DGLUCY: variants seen among roughly 807,000 people sequenced by gnomAD.
The protein encoded by DGLUCY is D-glutamate cyclase, mitochondrial.
A neutral mutation model predicts 58.5 loss-of-function variants in DGLUCY; 58 were observed. That is an observed-to-expected ratio of 0.99 (90% CI 0.80 to 1.23). The LOEUF (loss-of-function observed/expected upper bound fraction) is 1.23. Ranked by LOEUF, DGLUCY falls within the 50% of genes most tolerant of loss-of-function variation. The pLI is 0.00. For missense variants in DGLUCY, 779 were observed against 784.7 expected (o/e 0.99, Z 0.09); for synonymous variants, 325 against 314.1 (o/e 1.03, Z -0.37).
intron 8 of DGLUCY, among the ~76,000 whole-genome samples, chr14:91,188,352 A>G (rs1184512293): frequency 6.6e-6 from 1 of 152,136 alleles, no homozygotes. Context: ...TCGCGGCCAC[A>G]CCAGACTGAA....
chr14:91,127,757 TTC>T (rs1478899388), intron 1 of DGLUCY, among the ~76,000 whole-genome samples: 1 of 152,220 alleles, frequency 6.6e-6, no homozygotes, highest in Non-Finnish European at 1.5e-5. Flanking sequence ...GATTTTCTGG[TTC>T]TCAGCTCAGC....
At position 91,181,405 on chromosome 14, in the gene DGLUCY, T is replaced by C; in HGVS notation, c.934+16T>C. 1 of 1,608,770 alleles carries C rather than the reference T, an allele frequency of 6.2e-7. No homozygotes were observed. ...ATAGACCCAGGTAAGAAACAACACATTTGCTCGGCATAGACCCAGGTAAGA... is the reference window on the plus strand; with the variant it reads ...ATAGACCCAGGTAAGAAACAACACACTTGCTCGGCATAGACCCAGGTAAGA... On this transcript the variant is annotated intron_variant, in intron 8 of 13. Coordinates refer to ENST00000256324, the MANE Select transcript of DGLUCY (RefSeq NM_001102368.3).
At chr14:91,107,655 C>G (rs1416329095), upstream of DGLUCY, among the ~76,000 whole-genome samples, 1 of 152,172 alleles carries the variant, frequency 6.6e-6, no homozygotes. Flanking sequence ...GTTGGAAGCT[C>G]TGGAACTCAG....
chr14:91,068,869 T>C (rs1296288312), intron 1 of DGLUCY, among the ~76,000 whole-genome samples: 17 of 152,132 alleles, frequency 1.1e-4, no homozygotes, highest in Admixed American at 1.1e-3. Context: ...TGTACTAAAA[T>C]TGATGAAATG....
Position 91,090,457 on chromosome 14 carries a change from A to C in DGLUCY, c.-82+29753A>C, listed in dbSNP as rs373963061. Among the ~76,000 whole-genome samples the C allele has an allele frequency of 1.8e-4, 27 of 152,202 alleles. No homozygotes were observed. In the South Asian group the frequency reaches 3.5e-3, roughly 20 times the overall value. ...TTAAAACCTTCTCCCAGCCTCCTGCATGACTTTGGCCATAAGCATCCTTCC... is the reference window on the plus strand; with the variant it reads ...TTAAAACCTTCTCCCAGCCTCCTGCCTGACTTTGGCCATAAGCATCCTTCC... On this transcript the variant is annotated intron_variant, in intron 1 of 4. Coordinates refer to the DGLUCY transcript ENST00000521334.
At chr14:91,171,312 G>T (rs1272715629) in intron 5 of DGLUCY, among the ~76,000 whole-genome samples, 1 of 152,216 alleles carries the variant, frequency 6.6e-6, no homozygotes, top group East Asian at 1.9e-4. Flanking sequence ...GCAGTCACAG[G>T]GTCTGCTGAT....
intron 1 of DGLUCY, among the ~76,000 whole-genome samples, chr14:91,071,496 T>TA (rs533962746): frequency 2.6e-5 from 4 of 152,026 alleles, no homozygotes; most frequent in African/African-American, 9.6e-5. Flanking sequence ...AATTGAGGAT[T>TA]AAAAAAAATA....
exon 1 of DGLUCY, chr14:91,060,342 C>T (rs200700842): frequency 6.4e-5 from 91 of 1,416,512 alleles, no homozygotes; most frequent in Non-Finnish European, 1.7e-5. Flanking sequence ...CAGTCCGCAG[C>T]TCGTGCTTGA....
intron 1 of DGLUCY, among the ~76,000 whole-genome samples, chr14:91,061,426 T>C (rs1016741941): frequency 2.0e-5 from 3 of 152,208 alleles, no homozygotes; most frequent in Non-Finnish European, 4.4e-5. Context: ...ATTCCTCCCC[T>C]AAGCAGCTTT....
intron 1 of DGLUCY, among the ~76,000 whole-genome samples, chr14:91,102,001 G>A (rs2044494649): frequency 6.6e-6 from 1 of 152,026 alleles, no homozygotes; most frequent in South Asian, 2.1e-4. Context: ...CCTTAGTGTA[G>A]ATCTCAAAAG....
chr14:91,153,221 C>T (rs562386739), intron 1 of DGLUCY, among the ~76,000 whole-genome samples: 42 of 152,150 alleles, frequency 2.8e-4, no homozygotes, highest in African/African-American at 4.8e-4. Context: ...CTCGCTCTGT[C>T]GCCCAGGCTG....
rs553702195 is a variant in DGLUCY at position 91,067,116 on chromosome 14, G to GTTGAGTAGA, written c.-82+6418_-82+6426dup. Among the ~76,000 whole-genome samples the GTTGAGTAGA allele has an allele frequency of 2.1e-3, 320 of 150,106 alleles. 2 individuals are homozygous for GTTGAGTAGA. Among genetic ancestry groups the GTTGAGTAGA allele is most frequent in the Non-Finnish European group, 3.7e-3 (253 of 67,628 alleles). ...AAAAAAAAAGAAAGAGTTATTTCAT[G>GTTGAGTAGA]TTGAGTAGATTGAGGAAGAACAAAA... On this transcript the variant is annotated intron_variant, in intron 1 of 4. Transcript: ENST00000521334.
chr14:91,106,713 A>AT, upstream of DGLUCY, among the ~76,000 whole-genome samples: 1 of 151,834 alleles, frequency 6.6e-6, no homozygotes, highest in East Asian at 1.9e-4. Flanking sequence ...TCTCAAAAAA[A>AT]AAAAAAAACT....
intron 1 of DGLUCY, among the ~76,000 whole-genome samples, chr14:91,084,400 T>G (rs1349252526): frequency 6.6e-6 from 1 of 152,048 alleles, no homozygotes; most frequent in Non-Finnish European, 1.5e-5. Context: ...AGATGGGGTT[T>G]CACCATGTTG....
intron 1 of DGLUCY, among the ~76,000 whole-genome samples, chr14:91,137,535 G>A (rs1376267143): frequency 1.3e-5 from 2 of 150,598 alleles, no homozygotes; most frequent in East Asian, 1.9e-4. Context: ...ACAGGCGTGC[G>A]CCACCACGCC....
chr14:91,188,210 G>T (rs1184108767), intron 8 of DGLUCY, among the ~76,000 whole-genome samples: 1 of 152,154 alleles, frequency 6.6e-6, no homozygotes, highest in African/African-American at 2.4e-5. Context: ...GTGACCCCCA[G>T]GAGGTTCTGG....
chr14:91,122,601 AG>A (rs2045437601), intron 1 of DGLUCY, among the ~76,000 whole-genome samples: 1 of 65,866 alleles, frequency 1.5e-5, no homozygotes, highest in South Asian at 6.2e-4. Flanking sequence ...AAAAGAAAAA[AG>A]TTTTTTTTTT....
chr14:91,112,588 C>A (rs1365290717), upstream of DGLUCY, among the ~76,000 whole-genome samples: 1 of 152,020 alleles, frequency 6.6e-6, no homozygotes, highest in Non-Finnish European at 1.5e-5. Context: ...TTCACTTTAA[C>A]CCTTTCATTT....
At chr14:91,135,086 G>A (rs1278219021) in intron 1 of DGLUCY, among the ~76,000 whole-genome samples, 2 of 151,890 alleles carry the variant, frequency 1.3e-5, no homozygotes, top group African/African-American at 4.8e-5. Flanking sequence ...ACCATGCCCA[G>A]CTAATTTTTT....
Sources: gnomAD v4.1 joint callset for allele counts (sites outside exome capture counted in the v4.1 genomes callset) on GRCh38, gnomAD v4.1.1 for gene constraint, MANE v1.5 for transcripts, NCBI Gene and HGNC (gene_info 2026-07-23, HGNC 2026-07-21) for gene names.